LLGL2: variants seen among roughly 807,000 people sequenced by gnomAD.
LLGL2 encodes the protein LLGL2, scribble cell polarity complex component.
LLGL2 carries 81 observed loss-of-function variants against 123.2 expected under a neutral mutation model. The observed-to-expected ratio is 0.66, with a 90% CI of 0.55 to 0.79. The LOEUF (loss-of-function observed/expected upper bound fraction) is 0.79. Ranked by LOEUF, LLGL2 falls within the 30% of genes least tolerant of loss-of-function variation. LLGL2 has a pLI of 0.00. For synonymous variants in LLGL2, 577 were observed against 594.1 expected, an observed-to-expected ratio of 0.97 and a Z score of 0.42; for missense variants, 1,273 against 1,414.6, an observed-to-expected ratio of 0.90 and a Z score of 1.61.
At chr17:75,555,348 C>G (rs1178772837) in intron 2 of LLGL2, among the ~76,000 whole-genome samples, 1 of 150,294 alleles carries the variant, frequency 6.7e-6, no homozygotes, top group Non-Finnish European at 1.5e-5. Flanking sequence ...GCTCTGCCTG[C>G]CGGGTTCGCA....
At chr17:75,560,282 G>A (rs2055141922) in intron 6 of LLGL2, among the ~76,000 whole-genome samples, 1 of 152,228 alleles carries the variant, frequency 6.6e-6, no homozygotes, top group Admixed American at 6.5e-5. Flanking sequence ...GTGTGTCCAA[G>A]GTCAGAGCAG....
At chr17:75,557,481 G>C (rs138851023) in intron 3 of LLGL2, among the ~76,000 whole-genome samples, 3 of 152,352 alleles carry the variant, frequency 2.0e-5, no homozygotes, top group Admixed American at 2.0e-4. Context: ...GGATCAGGTT[G>C]GGCACCCCGC....
chr17:75,528,626 T>C (rs905772186), intron 1 of LLGL2, among the ~76,000 whole-genome samples: 2 of 151,934 alleles, frequency 1.3e-5, no homozygotes, highest in African/African-American at 4.8e-5. Flanking sequence ...TAATCCCAGC[T>C]ACTCAGGAGG....
intron 1 of LLGL2, among the ~76,000 whole-genome samples, chr17:75,539,330 T>G (rs2054121960): frequency 6.6e-6 from 1 of 151,858 alleles, no homozygotes; most frequent in Non-Finnish European, 1.5e-5. Context: ...CAAAGTGGAT[T>G]ACAAGCATGA....
At chr17:75,554,569 G>A (rs754292464) in intron 2 of LLGL2, among the ~76,000 whole-genome samples, 3 of 151,680 alleles carry the variant, frequency 2.0e-5, no homozygotes, top group East Asian at 3.9e-4. Flanking sequence ...ACAGTGAACC[G>A]AAATCATGCC....
chr17:75,556,384 G>A (rs1427059868), intron 3 of LLGL2, among the ~76,000 whole-genome samples: 1 of 152,180 alleles, frequency 6.6e-6, no homozygotes, highest in Non-Finnish European at 1.5e-5. Context: ...GGAGGACAGT[G>A]AGGTTTGAAA....
In LLGL2 at chr17:75,564,691, T is replaced by G; in HGVS notation, c.1036+184T>G. The G allele has an allele frequency of 1.0e-6, 1 of 961,048 alleles. No homozygotes were observed. Among genetic ancestry groups the G allele is most frequent in the South Asian group, 2.1e-5 (1 of 47,446 alleles). 59.5% of individuals were successfully genotyped at this position (961,048 alleles called of 1,614,324 possible). ...CAGCCTGGACAACGTAGGGAGACCC[T>G]TGTCTCTACAAAAAATAAAAAAATT... On this transcript the variant is annotated intron_variant, in intron 10 of 25. Coordinates refer to ENST00000392550, the MANE Select transcript of LLGL2 (RefSeq NM_001031803.2). The surrounding 1 kb of genome is among the most constrained non-coding windows in gnomAD (Gnocchi z 4.9).
chr17:75,574,895 G>T lies in LLGL2; in HGVS notation c.*17G>T. On this transcript the variant is annotated 3_prime_UTR_variant, in exon 26 of 26. Transcript: ENST00000392550. Reference sequence around the variant, plus strand: ...GCAGAGTGAGTGGCTGAGCGTCCAGGCTGCGCGATGAGCACACACTACTAC... The same window carrying T: ...GCAGAGTGAGTGGCTGAGCGTCCAGTCTGCGCGATGAGCACACACTACTAC... 4 of 1,613,988 alleles carry T rather than the reference G, an allele frequency of 2.5e-6. No homozygotes were observed. The highest frequency in any genetic ancestry group is 3.4e-6 in the Non-Finnish European group (4 of 1,179,970).
intron 2 of LLGL2, among the ~76,000 whole-genome samples, chr17:75,547,169 G>A (rs1598552981): frequency 6.6e-6 from 1 of 152,220 alleles, no homozygotes; most frequent in Non-Finnish European, 1.5e-5. Flanking sequence ...CAAGGACATC[G>A]CCCCGGGGGT....
intron 2 of LLGL2, among the ~76,000 whole-genome samples, chr17:75,553,587 A>T (rs894361235): frequency 5.9e-5 from 9 of 151,564 alleles, no homozygotes; most frequent in African/African-American, 2.2e-4. Flanking sequence ...CATTGTTGGG[A>T]CCTTTTTCTG....
At chr17:75,572,944 C>CCAG (rs1045892733) in intron 19 of LLGL2, 70 bp from the exon 20 acceptor site, 28 of 1,504,904 alleles carry the variant, frequency 1.9e-5, no homozygotes, top group Admixed American at 9.4e-5. Context: ...AGGGGAGGGC[C>CCAG]CAGCAGCAGC....
At chr17:75,560,802 TAAAAAAAAAAAAAAAAAAAAAAAA>T (rs372940306) in intron 6 of LLGL2, among the ~76,000 whole-genome samples, 1 of 96,066 alleles carries the variant, frequency 1.0e-5, no homozygotes, top group Non-Finnish European at 2.1e-5. Context: ...GTTTATTTAT[TAAAAAAAAAAAAAAAAAAAAAAAA>T]AAAAAACAAA....
intron 1 of LLGL2, among the ~76,000 whole-genome samples, chr17:75,528,185 G>A (rs147921007): frequency 1.3e-5 from 2 of 151,826 alleles, no homozygotes; most frequent in African/African-American, 4.8e-5. Flanking sequence ...GCGAGATCTC[G>A]GCTCACTGCA....
chr17:75,556,858 T>G (rs181406724), intron 3 of LLGL2, among the ~76,000 whole-genome samples: 1 of 152,214 alleles, frequency 6.6e-6, no homozygotes, highest in Admixed American at 6.5e-5. Context: ...AAACCCTGTC[T>G]CTACTAAAAA....
rs2054167476 is a variant in LLGL2 at position 75,540,531 on chromosome 17, C to G, written c.-30-2866C>G. On this transcript the variant is annotated intron_variant, in intron 1 of 25. Transcript: ENST00000392550. ...CCAGACCTCGCCAGCACCCTGTCAG[C>G]AGCGGCCAGTCCCCAGGCCCCAGAC... Among the ~76,000 whole-genome samples the G allele has an allele frequency of 2.0e-5, 3 of 152,378 alleles. No individual in the cohort carries two copies. The South Asian group carries it at 6.2e-4, about 32-fold the overall frequency.
chr17:75,556,597 C>G (rs2054924263), intron 3 of LLGL2, among the ~76,000 whole-genome samples: 1 of 152,132 alleles, frequency 6.6e-6, no homozygotes, highest in Non-Finnish European at 1.5e-5. Context: ...AGGGAAGGAC[C>G]TGACGCCCAT....
chr17:75,573,591 GGTAAC>G lies in LLGL2; in HGVS notation c.2838_2842del (p.Asn947CysfsTer18). 6.2e-7 allele frequency: 1 copy of G among 1,612,234 alleles called. No homozygotes were observed. Among genetic ancestry groups the G allele is most frequent in the Non-Finnish European group, 8.5e-7 (1 of 1,179,874 alleles). Reference sequence around the variant, plus strand: ...AGCAGAAACCAAGAACCACCGCCCTGGTAACGGTGCGGGCCCCAAGAAGGCCCCGA... The same window carrying G: ...AGCAGAAACCAAGAACCACCGCCCTGGGTGCGGGCCCCAAGAAGGCCCCGA... On this transcript the variant is annotated frameshift_variant, in exon 21 of 26. Transcript: ENST00000392550. LOFTEE classifies it high-confidence loss of function.
chr17:75,532,046 A>G (rs2053806647), intron 1 of LLGL2, among the ~76,000 whole-genome samples: 1 of 96,258 alleles, frequency 1.0e-5, no homozygotes. Context: ...AATTATATAT[A>G]TGTATATATA....
At chr17:75,551,644 A>T (rs2054679635) in intron 2 of LLGL2, among the ~76,000 whole-genome samples, 1 of 152,000 alleles carries the variant, frequency 6.6e-6, no homozygotes, top group African/African-American at 2.4e-5. Flanking sequence ...ATGTTAGAAG[A>T]ACTGCCCGCC....
Sources: gnomAD v4.1 joint callset for allele counts (sites outside exome capture counted in the v4.1 genomes callset) on GRCh38, gnomAD v4.1.1 for gene constraint, Gnocchi (gnomAD v3.1) non-coding constraint, MANE v1.5 for transcripts, NCBI Gene and HGNC (gene_info 2026-07-23, HGNC 2026-07-21) for gene names.